The following XDH variants were observed in gnomAD, a reference collection of about 807,000 sequenced individuals.
XDH encodes the protein xanthine dehydrogenase.
Under a neutral mutation model 156.1 loss-of-function variants are expected in XDH, and 138 were observed. The observed-to-expected ratio is 0.88, with a 90% confidence interval of 0.77 to 1.02. The LOEUF is 1.02. Ranked by LOEUF, XDH falls within the 50% of genes least tolerant of loss-of-function variation. The pLI is 0.00. For synonymous variants in XDH, 669 were observed against 625.7 expected, an observed-to-expected ratio of 1.07 and a Z score of -1.03; for missense variants, 1,849 against 1,684.9, an observed-to-expected ratio of 1.10 and a Z score of -1.71.
chr2:31,343,299 T>TGC (rs1487071680), intron 31 of XDH, among the ~76,000 whole-genome samples: 77 of 111,984 alleles, frequency 6.9e-4, no homozygotes, highest in Non-Finnish European at 9.2e-4. Flanking sequence ...TATATATATA[T>TGC]ATATATATAT....
rs372422786 is a variant in XDH at position 31,350,114 on chromosome 2, C to T, written c.2741G>A (p.Gly914Asp). The T allele has an allele frequency of 1.9e-6, 3 of 1,614,124 alleles. No individual in the cohort carries two copies. Among genetic ancestry groups the T allele is most frequent in the South Asian group, 1.1e-5 (1 of 91,090 alleles). The change falls in exon 25 of 36, where the codon GGC becomes GAC. Residue 914 changes from glycine (G) to aspartate (D), a missense_variant. Physicochemically the swap from Gly to Asp is moderately conservative, Grantham distance 94. Transcript: ENST00000379416. ...TNLPSNTAFR[G>D]FGGPQGMLIA... ...GAGCATCCCCTGGGGCCCCCCAAAG[C>T]CCCGGAAGGCCGTGTTGGAGGGAAG...
At chr2:31,343,203 A>G (rs1458699970) in intron 31 of XDH, among the ~76,000 whole-genome samples, 3 of 150,668 alleles carry the variant, frequency 2.0e-5, no homozygotes, top group Non-Finnish European at 3.0e-5. Flanking sequence ...GAAATGTAAT[A>G]GGAATTTATG....
At chr2:31,364,103 C>T in intron 24 of XDH, 55 bp downstream of exon 24, 1 of 1,579,080 alleles carries the variant, frequency 6.3e-7, no homozygotes, top group Non-Finnish European at 8.7e-7. Context: ...TGCGTGGGAA[C>T]AGGCTGACCT....
At position 31,339,694 on chromosome 2, in the gene XDH, G is replaced by A. The variant is rs199696614; in HGVS notation, c.3586-17C>T. On this transcript the variant is annotated splice_polypyrimidine_tract_variant and intron_variant, in intron 33 of 35. Coordinates refer to ENST00000379416, the MANE Select transcript of XDH (RefSeq NM_000379.4). ...CCCTTCCACCTGCAGGATGGATGGA[G>A]AGCACAGTTAGCCTGCCACCTTCTT... is the stretch of plus-strand genomic sequence containing the variant. 6.7e-5 allele frequency: 108 copies of A among 1,613,576 alleles called. No homozygotes were observed. The East Asian group carries it at 2.0e-3, about 30-fold the overall frequency.
At chr2:31,377,024 A>G in intron 14 of XDH, 29 bp downstream of exon 14, 1 of 1,613,538 alleles carries the variant, frequency 6.2e-7, no homozygotes, top group Non-Finnish European at 8.5e-7. Flanking sequence ...CAACATTAGC[A>G]GCAGTTTCAT....
chr2:31,395,278 C>T (rs10199855), intron 6 of XDH, among the ~76,000 whole-genome samples: 18,725 of 152,004 alleles, frequency 0.12, 1,302 homozygotes, highest in Middle Eastern at 0.16. Flanking sequence ...TTTTTTTCTC[C>T]GTTTGGTGGG....
rs147099696 is a variant in XDH, at chr2:31,370,668, T to C, written c.1857-190A>G. On this transcript the variant is annotated intron_variant, in intron 17 of 35. Transcript: ENST00000379416. Reference sequence around the variant, plus strand: ...GCAAATGTTGATTAAATCCTCACCATGTTCAGGCCACTATGCTGAATGTTG... The same window carrying C: ...GCAAATGTTGATTAAATCCTCACCACGTTCAGGCCACTATGCTGAATGTTG... Among the ~76,000 whole-genome samples the C allele has an allele frequency of 8.4e-4, 128 of 152,326 alleles. 1 individual carries two copies. Among genetic ancestry groups the C allele is most frequent in the African/African-American group, 2.8e-3 (117 of 41,562 alleles).
rs774304036 is a variant in XDH at position 31,341,309 on chromosome 2, C to G, written c.3585+20G>C. 56 of 1,559,698 alleles carry G rather than the reference C, an allele frequency of 3.6e-5. 1 individual carries two copies. The highest frequency in any genetic ancestry group is 1.7e-4 in the Middle Eastern group (1 of 6,024). ...ATCGGTGGCCAAGTCTGTCACCACC[C>G]TGGTCCCACTGAGCCTCACCTGTCC... On this transcript the variant is annotated intron_variant, in intron 33 of 35. Coordinates refer to ENST00000379416, the MANE Select transcript of XDH (RefSeq NM_000379.4).
chr2:31,341,470 C>A, intron 32 of XDH, 76 bp from the exon 33 acceptor site: 1 of 1,449,106 alleles, frequency 6.9e-7, no homozygotes, highest in Non-Finnish European at 9.5e-7. Context: ...CTCATAGTGA[C>A]CCTCAGACTA....
intron 13 of XDH, among the ~76,000 whole-genome samples, chr2:31,378,115 G>GAAAGAAAGAAAGAAA (rs1558696682): frequency 3.1e-4 from 11 of 35,448 alleles, no homozygotes; most frequent in African/African-American, 1.3e-3. Flanking sequence ...AGAAAGGAAG[G>GAAAGAAAGAAAGAAA]AAGGAAGGAA....
chr2:31,379,643 C>G (rs1686375740), intron 13 of XDH, among the ~76,000 whole-genome samples: 1 of 152,166 alleles, frequency 6.6e-6, no homozygotes, highest in Non-Finnish European at 1.5e-5. Context: ...TTCTAGCTAT[C>G]TGGTTCCACA....
chr2:31,373,116 C>G (rs1396270352), intron 16 of XDH, among the ~76,000 whole-genome samples: 1 of 152,120 alleles, frequency 6.6e-6, no homozygotes, highest in Non-Finnish European at 1.5e-5. Flanking sequence ...TCTTATGAAA[C>G]AGGTATGTGA....
chr2:31,402,735 G>T lies in XDH; in HGVS notation c.197+313C>A, dbSNP rs536873687. 3.9e-5 allele frequency among the ~76,000 whole-genome samples: 6 copies of T among 152,326 alleles called. No homozygotes were observed. The South Asian group carries it at 1.2e-3, about 32-fold the overall frequency. On this transcript the variant is annotated intron_variant, in intron 3 of 35. Transcript: ENST00000379416. ...AGAAACCTGGGGCATACTGTGCAGG[G>T]CCTTGCCCGCTAAGCAAAGAGATTT...
At chr2:31,344,827 G>A in intron 30 of XDH, 91 bp from the exon 31 acceptor site, 3 of 1,371,144 alleles carry the variant, frequency 2.2e-6, no homozygotes, top group Non-Finnish European at 3.1e-6. Context: ...ACCTCCTCTG[G>A]AAGCCAATCA....
intron 24 of XDH, among the ~76,000 whole-genome samples, chr2:31,359,210 C>T (rs1186075962): frequency 6.6e-6 from 1 of 151,982 alleles, no homozygotes; most frequent in Non-Finnish European, 1.5e-5. Context: ...GGTGTAGTCA[C>T]TCAGGAATAT....
At chr2:31,405,812 G>A (rs61697027) in intron 2 of XDH, 95 bp downstream of exon 2, 10 of 1,452,478 alleles carry the variant, frequency 6.9e-6, no homozygotes, top group Middle Eastern at 1.7e-4. Context: ...ACACCTCAAG[G>A]CCACCCCACC....
intron 31 of XDH, 61 bp from the exon 32 acceptor site, chr2:31,342,358 G>T (rs1685148369): frequency 1.4e-6 from 2 of 1,399,482 alleles, no homozygotes; most frequent in South Asian, 1.2e-5. Flanking sequence ...CCTTCCCTAT[G>T]CACGTACAGC....
At chr2:31,348,819 T>C (rs1685372076) in intron 27 of XDH, 80 bp downstream of exon 27, 2 of 1,362,598 alleles carry the variant, frequency 1.5e-6, no homozygotes, top group South Asian at 1.2e-5. Context: ...GACAACGAAA[T>C]TTCCCTTGCA....
chr2:31,375,014 TCTTTC>T (rs1686193289), intron 15 of XDH, among the ~76,000 whole-genome samples: 10 of 113,450 alleles, frequency 8.8e-5, no homozygotes, highest in African/African-American at 4.0e-4. Flanking sequence ...TTTCTTTCTT[TCTTTC>T]TTTCTTTTTT....
Sources: gnomAD v4.1 joint callset for allele counts (sites outside exome capture counted in the v4.1 genomes callset) on GRCh38, gnomAD v4.1.1 for gene constraint, MANE v1.5 for transcripts, NCBI Gene and HGNC (gene_info 2026-07-23, HGNC 2026-07-21) for gene names.